The following PIK3CA variants were observed in gnomAD, a reference collection of about 807,000 sequenced individuals.
PIK3CA encodes phosphatidylinositol-4,5-bisphosphate 3-kinase catalytic subunit alpha.
PIK3CA carries 27 observed loss-of-function variants against 138.2 expected under a neutral mutation model. The ratio of observed to expected loss-of-function variants is 0.20; its 90% confidence interval spans 0.14 to 0.27. The LOEUF is 0.27. Among genes scored for constraint, PIK3CA ranks in the 10% least tolerant of loss-of-function variants. PIK3CA has a pLI of 1.00. For synonymous variants in PIK3CA, 358 were observed against 413.2 expected (o/e 0.87, Z 1.62); for missense variants, 544 against 1,277.4 (o/e 0.43, Z 8.75).
intron 14 of PIK3CA, among the ~76,000 whole-genome samples, chr3:179,222,249 T>A (rs1724986272): frequency 6.6e-6 from 1 of 151,892 alleles, no homozygotes; most frequent in African/African-American, 2.4e-5. Flanking sequence ...AAAAAAAAAA[T>A]TAAAACAAAG....
chr3:179,197,644 C>T (rs1724302667), intron 1 of PIK3CA, among the ~76,000 whole-genome samples: 1 of 152,210 alleles, frequency 6.6e-6, no homozygotes, highest in African/African-American at 2.4e-5. Flanking sequence ...ATTTATAGCT[C>T]TTACCTACAA....
chr3:179,192,326 A>C (rs1724156045), intron 1 of PIK3CA, among the ~76,000 whole-genome samples: 1 of 152,256 alleles, frequency 6.6e-6, no homozygotes, highest in Non-Finnish European at 1.5e-5. Context: ...GGAATGAACA[A>C]GATAATTTAG....
At chr3:179,177,351 C>T (rs1723723701) in intron 1 of PIK3CA, among the ~76,000 whole-genome samples, 3 of 141,020 alleles carry the variant, frequency 2.1e-5, no homozygotes, top group South Asian at 2.2e-4. Context: ...CTCACTCTGT[C>T]GCCCAGGCTG....
At position 179,169,415 on chromosome 3, in the gene PIK3CA, C is replaced by T. The variant is rs561004290; in HGVS notation, c.-77+20812C>T. On this transcript the variant is annotated intron_variant, in intron 1 of 20. Coordinates refer to ENST00000263967, the MANE Select transcript of PIK3CA (RefSeq NM_006218.4). Reference sequence around the variant, plus strand: ...TGACATTTTGGGAATTGGTTGTCTTCCTATCCGAGAATGTGGAATGTTTTT... The same window carrying T: ...TGACATTTTGGGAATTGGTTGTCTTTCTATCCGAGAATGTGGAATGTTTTT... Among the ~76,000 whole-genome samples, 12 of 152,242 alleles carry T rather than the reference C, an allele frequency of 7.9e-5. No individual in the cohort carries two copies. In the South Asian group the frequency reaches 2.5e-3, roughly 32 times the overall value.
chr3:179,195,567 G>T (rs1185906562), intron 1 of PIK3CA, among the ~76,000 whole-genome samples: 1 of 151,984 alleles, frequency 6.6e-6, no homozygotes, highest in Non-Finnish European at 1.5e-5. Flanking sequence ...GACTAAGGGG[G>T]CCAAAATTTG....
chr3:179,188,082 G>A (rs938159129), intron 1 of PIK3CA, among the ~76,000 whole-genome samples: 4 of 152,192 alleles, frequency 2.6e-5, no homozygotes, highest in Non-Finnish European at 5.9e-5. Context: ...TCAGGATGAT[G>A]GTGCACTGAT....
At chr3:179,208,531 A>AG (rs1724626056) in intron 6 of PIK3CA, among the ~76,000 whole-genome samples, 1 of 152,154 alleles carries the variant, frequency 6.6e-6, no homozygotes. Flanking sequence ...TTAGTGAAAA[A>AG]GGGGAAATAA....
chr3:179,198,775 T>G lies in PIK3CA; in HGVS notation c.-51T>G, dbSNP rs1724331038. On this transcript the variant is annotated 5_prime_UTR_variant, in exon 2 of 21. Coordinates refer to ENST00000263967, the MANE Select transcript of PIK3CA (RefSeq NM_006218.4). The stretch of plus-strand genomic sequence containing the variant: ...GTTTCTGCTTTGGGACAACCATACA[T>G]CTAATTCCTTAAAGTAGTTTTATAT... 1 of 1,071,356 alleles carries G rather than the reference T, an allele frequency of 9.3e-7. No homozygotes were observed. The highest frequency in any genetic ancestry group is 1.3e-6 in the Non-Finnish European group (1 of 746,436). 66.4% of individuals were successfully genotyped at this position (1,071,356 alleles called of 1,614,324 possible).
chr3:179,208,662 A>G (rs1724629939), intron 6 of PIK3CA, among the ~76,000 whole-genome samples: 1 of 152,186 alleles, frequency 6.6e-6, no homozygotes, highest in South Asian at 2.1e-4. Flanking sequence ...AAAGACAGAC[A>G]TAATTTCACA....
intron 1 of PIK3CA, among the ~76,000 whole-genome samples, chr3:179,154,350 T>C (rs1436223909): frequency 6.6e-6 from 1 of 152,002 alleles, no homozygotes; most frequent in Non-Finnish European, 1.5e-5. Flanking sequence ...TAGATTCTCA[T>C]AGAAGGACCA....
intron 3 of PIK3CA, among the ~76,000 whole-genome samples, chr3:179,200,877 T>C (rs754292923): frequency 6.6e-6 from 1 of 152,192 alleles, no homozygotes; most frequent in Non-Finnish European, 1.5e-5. Flanking sequence ...GTCATTCTAA[T>C]TGAACATCTT....
At chr3:179,181,030 T>TA (rs1723830935) in intron 1 of PIK3CA, among the ~76,000 whole-genome samples, 1 of 152,114 alleles carries the variant, frequency 6.6e-6, no homozygotes, top group Non-Finnish European at 1.5e-5. Flanking sequence ...TATGTGTGTG[T>TA]ATTTGTGTGT....
intron 1 of PIK3CA, among the ~76,000 whole-genome samples, chr3:179,172,371 G>C (rs1251975801): frequency 6.6e-6 from 1 of 151,964 alleles, no homozygotes; most frequent in African/African-American, 2.4e-5. Context: ...TTATCCTGGA[G>C]GTCCTAGCTA....
At chr3:179,198,615 CT>C (rs1724326650) in intron 1 of PIK3CA, 134 bp from the exon 2 acceptor site, 2 of 391,276 alleles carry the variant, frequency 5.1e-6, no homozygotes, top group Non-Finnish European at 9.1e-6. Context: ...GATTAGAATA[CT>C]TAAGATGAAT....
At chr3:179,228,377 A>C (rs1359488764) in intron 17 of PIK3CA, among the ~76,000 whole-genome samples, 1 of 152,100 alleles carries the variant, frequency 6.6e-6, no homozygotes, top group Non-Finnish European at 1.5e-5. Flanking sequence ...TTAAAAGGCA[A>C]GAAAGACAAA....
chr3:179,219,848 A>T lies in PIK3CA; in HGVS notation c.1912-101A>T. On this transcript the variant is annotated intron_variant, in intron 12 of 20. Coordinates refer to ENST00000263967, the MANE Select transcript of PIK3CA (RefSeq NM_006218.4). This position sits in a 1 kb window ranked among gnomAD's most constrained non-coding sequence, Gnocchi z 4.2. Reference sequence around the variant, plus strand: ...CACTAACTAGTTTTATGCTTAAAAAAAAAAATTATTACCAGTAATATCCAC... The same window carrying T: ...CACTAACTAGTTTTATGCTTAAAAATAAAAATTATTACCAGTAATATCCAC... 6.6e-7 allele frequency: 1 copy of T among 1,519,142 alleles called. No homozygotes were observed. Among genetic ancestry groups the T allele is most frequent in the Non-Finnish European group, 8.9e-7 (1 of 1,122,748 alleles). The allele number at this position is 1,519,142 out of a possible 1,614,324, so 94.1% of individuals were successfully genotyped here.
chr3:179,159,006 T>A (rs1723208422), intron 1 of PIK3CA, among the ~76,000 whole-genome samples: 1 of 152,198 alleles, frequency 6.6e-6, no homozygotes, highest in Non-Finnish European at 1.5e-5. Flanking sequence ...AGTTGATGAT[T>A]TCATGGTCTG....
At chr3:179,213,654 T>C (rs559196348) in intron 9 of PIK3CA, among the ~76,000 whole-genome samples, 1 of 152,250 alleles carries the variant, frequency 6.6e-6, no homozygotes, top group African/African-American at 2.4e-5. Flanking sequence ...TAGAACTTCT[T>C]TCAGATTTGG....
At chr3:179,200,346 T>A (rs1166014236) in intron 3 of PIK3CA, among the ~76,000 whole-genome samples, 3 of 152,050 alleles carry the variant, frequency 2.0e-5, no homozygotes, top group Non-Finnish European at 4.4e-5. Flanking sequence ...TCATGGGTGA[T>A]AATATATAGG....
Sources: allele counts gnomAD v4.1 joint callset (sites outside exome capture counted in the v4.1 genomes callset), GRCh38; gene constraint gnomAD v4.1.1; non-coding constraint Gnocchi (gnomAD v3.1); transcripts MANE v1.5; gene names NCBI Gene and HGNC (gene_info 2026-07-23, HGNC 2026-07-21).